PHF14: variants seen among roughly 807,000 people sequenced by gnomAD.
PHF14 encodes the protein PHD finger protein 14.
PHF14 carries 55 observed loss-of-function variants against 117.9 expected under a neutral mutation model. The observed-to-expected ratio is 0.47, with a 90% CI of 0.38 to 0.58. The LOEUF is 0.58. Among genes scored for constraint, PHF14 ranks in the 20% least tolerant of loss-of-function variants. PHF14 has a pLI of 0.00. For synonymous variants in PHF14, 409 were observed against 368.6 expected (o/e 1.11, Z -1.26); for missense variants, 978 against 1,122.2 (o/e 0.87, Z 1.84).
chr7:11,152,627 A>T (rs1788732837), intron 17 of PHF14, among the ~76,000 whole-genome samples: 1 of 152,066 alleles, frequency 6.6e-6, no homozygotes, highest in Non-Finnish European at 1.5e-5. Flanking sequence ...GATAGGAATA[A>T]GACTAACTTA....
intron 4 of PHF14, among the ~76,000 whole-genome samples, chr7:10,992,947 GT>G (rs1397254334): frequency 6.6e-6 from 1 of 151,898 alleles, no homozygotes; most frequent in Non-Finnish European, 1.5e-5. Context: ...ATTTTGGTTT[GT>G]TTTTACAGAA....
intron 17 of PHF14, among the ~76,000 whole-genome samples, chr7:11,124,336 A>G (rs562601904): frequency 6.6e-6 from 1 of 152,146 alleles, no homozygotes; most frequent in Non-Finnish European, 1.5e-5. Flanking sequence ...ATATAATTGC[A>G]TGTATGGCAG....
At chr7:11,058,457 G>A (rs1785095583) in intron 14 of PHF14, among the ~76,000 whole-genome samples, 1 of 151,818 alleles carries the variant, frequency 6.6e-6, no homozygotes, top group Non-Finnish European at 1.5e-5. Context: ...TTGGTATTTT[G>A]TATAGTTATA....
chr7:11,002,819 G>A (rs1199463744), intron 4 of PHF14, among the ~76,000 whole-genome samples: 2 of 152,198 alleles, frequency 1.3e-5, no homozygotes, highest in Non-Finnish European at 2.9e-5. Flanking sequence ...ATGAAATGCT[G>A]ATGACAAAAA....
chr7:11,083,547 G>A (rs1392710766), intron 16 of PHF14, among the ~76,000 whole-genome samples: 6 of 139,844 alleles, frequency 4.3e-5, no homozygotes, highest in East Asian at 2.2e-4. Context: ...TGGAAACTCC[G>A]CCTCCCAGGT....
chr7:11,067,744 C>T (rs1463362544), intron 16 of PHF14, among the ~76,000 whole-genome samples: 3 of 152,116 alleles, frequency 2.0e-5, no homozygotes, highest in African/African-American at 7.2e-5. Flanking sequence ...TGGTGAGGAC[C>T]TCAAGGTGCT....
intron 17 of PHF14, among the ~76,000 whole-genome samples, chr7:11,140,276 T>G (rs961360956): frequency 1.3e-5 from 2 of 152,150 alleles, no homozygotes; most frequent in Non-Finnish European, 2.9e-5. Flanking sequence ...TAAAACTTTT[T>G]TTATCCTTAC....
intron 2 of PHF14, among the ~76,000 whole-genome samples, chr7:10,975,412 A>T (rs552212368): frequency 6.6e-6 from 1 of 152,300 alleles, no homozygotes; most frequent in South Asian, 2.1e-4. Context: ...TAAGAGTTGC[A>T]CTTCAAATTA....
intron 14 of PHF14, among the ~76,000 whole-genome samples, chr7:11,055,357 T>C (rs1784982567): frequency 6.6e-6 from 1 of 152,194 alleles, no homozygotes; most frequent in South Asian, 2.1e-4. Flanking sequence ...ATGTAGTGAC[T>C]TTTCATCTTT....
intron 2 of PHF14, 103 bp downstream of exon 2, chr7:10,975,048 A>G (rs996108273): frequency 5.8e-6 from 4 of 690,894 alleles, no homozygotes; most frequent in Non-Finnish European, 1.0e-5. Flanking sequence ...TTTAAGTGAA[A>G]GCACGTAAAC....
chr7:11,087,700 A>T (rs1786472634), intron 16 of PHF14, among the ~76,000 whole-genome samples: 1 of 151,922 alleles, frequency 6.6e-6, no homozygotes, highest in Non-Finnish European at 1.5e-5. Flanking sequence ...TCACTTAATA[A>T]TCTCTGTGTG....
chr7:10,974,760 G>T, intron 1 of PHF14, 75 bp from the exon 2 acceptor site: 2 of 769,682 alleles, frequency 2.6e-6, no homozygotes, highest in Admixed American at 2.9e-5. Context: ...TCATCTTTAT[G>T]TTCTCTTAGC....
chr7:11,165,275 G>A (rs977352448), intron 17 of PHF14, among the ~76,000 whole-genome samples: 1 of 152,142 alleles, frequency 6.6e-6, no homozygotes, highest in African/African-American at 2.4e-5. Flanking sequence ...GGGTTTATCT[G>A]ATGTTTTCTC....
intron 4 of PHF14, among the ~76,000 whole-genome samples, chr7:10,998,273 T>G (rs1258507356): frequency 6.6e-6 from 1 of 152,188 alleles, no homozygotes; most frequent in Admixed American, 6.5e-5. Context: ...AAGTTATTTT[T>G]AAAATGTTTC....
chr7:11,132,302 A>ATT (rs58675172), intron 17 of PHF14, among the ~76,000 whole-genome samples: 2 of 142,606 alleles, frequency 1.4e-5, no homozygotes, highest in African/African-American at 2.6e-5. Context: ...TATAATTGAG[A>ATT]TTTTTTTTTT....
intron 6 of PHF14, among the ~76,000 whole-genome samples, chr7:11,025,846 T>A (rs1301925894): frequency 2.8e-4 from 42 of 151,550 alleles, no homozygotes; most frequent in Admixed American, 2.8e-3. Context: ...GTGCGGTGGC[T>A]CACGCCTGTA....
chr7:10,985,651 T>G lies in PHF14; in HGVS notation c.900+2492T>G, dbSNP rs1223046279. Among the ~76,000 whole-genome samples, 19 of 128,306 alleles carry G rather than the reference T, an allele frequency of 1.5e-4. No homozygotes were observed. In the East Asian group the frequency reaches 2.7e-3, roughly 18 times the overall value. 84.2% of individuals were successfully genotyped at this position (128,306 alleles called of 152,430 possible). A position where few individuals can be genotyped will look rare whatever the true frequency, so the allele number is the denominator to read the frequency against. ...GATTCTCAAACTGTTTTTTTTTTTT[T>G]TTTTTTTTTTTTTTTTTTGGAGACA... On this transcript the variant is annotated intron_variant, in intron 3 of 17. Transcript: ENST00000634607.
intron 9 of PHF14, 111 bp from the exon 10 acceptor site, chr7:11,036,874 A>C: frequency 1.0e-6 from 1 of 955,132 alleles, no homozygotes; most frequent in Non-Finnish European, 1.6e-6. Flanking sequence ...AAATATACTT[A>C]AAAGTTTTAA....
chr7:10,974,703 A>G, intron 1 of PHF14, 132 bp from the exon 2 acceptor site: 1 of 620,534 alleles, frequency 1.6e-6, no homozygotes, highest in Non-Finnish European at 2.9e-6. Context: ...CCTTCTCCTG[A>G]CCCCTTTTGC....
Sources: gnomAD v4.1 joint callset for allele counts (sites outside exome capture counted in the v4.1 genomes callset) on GRCh38, gnomAD v4.1.1 for gene constraint, MANE v1.5 for transcripts, NCBI Gene and HGNC (gene_info 2026-07-23, HGNC 2026-07-21) for gene names.